The following KLHL18 variants were observed in gnomAD, a reference collection of about 807,000 sequenced individuals.
KLHL18 encodes kelch like family member 18.
In KLHL18, 38 loss-of-function variants were observed where a neutral mutation model predicts 58.5. The ratio of observed to expected loss-of-function variants is 0.65; its 90% confidence interval spans 0.50 to 0.85. KLHL18 has a LOEUF of 0.85. KLHL18 is among the 40% of genes least tolerant of loss of function. KLHL18 has a pLI of 0.00. For missense variants in KLHL18, 624 were observed against 778.4 expected (o/e 0.80, Z 2.36); for synonymous variants, 303 against 301.9 (o/e 1.00, Z -0.04).
At chr3:47,298,999 G>T (rs1702955648) in intron 1 of KLHL18, among the ~76,000 whole-genome samples, 1 of 152,188 alleles carries the variant, frequency 6.6e-6, no homozygotes, top group Non-Finnish European at 1.5e-5. Context: ...GGATATTCAT[G>T]TACAGGATTT....
intron 1 of KLHL18, among the ~76,000 whole-genome samples, chr3:47,300,311 G>GTGTATATATATATATATATATATATATA: frequency 8.6e-6 from 1 of 115,886 alleles, no homozygotes; most frequent in Non-Finnish European, 1.9e-5. Context: ...ATATATATAT[G>GTGTATATATATATATATATATATATATA]TGTGTATATA....
At chr3:47,286,585 C>T (rs1279562729) in intron 1 of KLHL18, among the ~76,000 whole-genome samples, 3 of 152,098 alleles carry the variant, frequency 2.0e-5, no homozygotes, top group Admixed American at 6.6e-5. Flanking sequence ...TGGACCTCAC[C>T]CAGAATTTCT....
Position 47,345,356 on chromosome 3 carries a change from C to G in KLHL18, c.*1415C>G, listed in dbSNP as rs1704206677. ...TGGGCAGACTGACCAGCAAGGTGGA[C>G]CTTTACATTCAAGCACAGCTGGCTT... On this transcript the variant is annotated 3_prime_UTR_variant, in exon 10 of 10. Transcript: ENST00000232766. The G allele has an allele frequency of 6.5e-6, 1 of 152,690 alleles. No individual in the cohort carries two copies. Among genetic ancestry groups the G allele is most frequent in the African/African-American group, 2.4e-5 (1 of 41,450 alleles). The allele number at this position is 152,690 out of a possible 1,614,324, so 9.5% of individuals were successfully genotyped here. A position where few individuals can be genotyped will look rare whatever the true frequency, so the allele number is the denominator to read the frequency against.
At chr3:47,318,186 A>G (rs1201194898) in intron 1 of KLHL18, among the ~76,000 whole-genome samples, 2 of 152,132 alleles carry the variant, frequency 1.3e-5, no homozygotes, top group African/African-American at 4.8e-5. Flanking sequence ...GTGACTTAAA[A>G]CAAGTATTTA....
chr3:47,293,997 G>T (rs1221215545), intron 1 of KLHL18, among the ~76,000 whole-genome samples: 2 of 152,146 alleles, frequency 1.3e-5, no homozygotes, highest in Non-Finnish European at 2.9e-5. Context: ...ATTTACTGAG[G>T]TATCTACATA....
intron 8 of KLHL18, among the ~76,000 whole-genome samples, 155 bp from the exon 9 acceptor site, chr3:47,342,564 C>T (rs920531983): frequency 5.3e-5 from 8 of 152,050 alleles, no homozygotes; most frequent in African/African-American, 1.7e-4. Context: ...GGGTGAGAGG[C>T]GGCAGCCAGG....
chr3:47,332,398 G>A (rs1175145889), intron 4 of KLHL18, among the ~76,000 whole-genome samples: 1 of 152,106 alleles, frequency 6.6e-6, no homozygotes, highest in Non-Finnish European at 1.5e-5. Context: ...AGAAATTTGA[G>A]GAGGGATTAA....
chr3:47,330,256 G>A (rs905447444), intron 4 of KLHL18, 107 bp downstream of exon 4: 102 of 966,244 alleles, frequency 1.1e-4, no homozygotes, highest in East Asian at 6.6e-4. Context: ...TGACATGTAT[G>A]TGGCTGTTGT....
At position 47,316,783 on chromosome 3, in the gene KLHL18, A is replaced by G. The variant is rs62248946; in HGVS notation, c.130-2870A>G. ...TGTGTGTGTATATATACATATATAC[A>G]TATATATGTGTGTATATATATACAT... On this transcript the variant is annotated intron_variant, in intron 1 of 9. Transcript: ENST00000232766. Among the ~76,000 whole-genome samples the G allele has an allele frequency of 4.0e-4, 40 of 100,714 alleles. 2 individuals are homozygous for G. The highest frequency in any genetic ancestry group is 1.4e-3 in the African/African-American group (36 of 24,854). The allele number at this position is 100,714 out of a possible 152,430, so 66.1% of individuals were successfully genotyped here.
At chr3:47,284,919 AG>A (rs1359911828) in intron 1 of KLHL18, among the ~76,000 whole-genome samples, 1 of 152,046 alleles carries the variant, frequency 6.6e-6, no homozygotes, top group Admixed American at 6.5e-5. Flanking sequence ...CCTGGCTTCA[AG>A]CCAGTCTCCT....
intron 2 of KLHL18, 97 bp from the exon 3 acceptor site, chr3:47,322,471 C>G: frequency 8.2e-7 from 1 of 1,216,522 alleles, no homozygotes; most frequent in East Asian, 2.7e-5. Context: ...TCTCAAAGGG[C>G]CTGGGCTAAG....
chr3:47,324,373 G>A (rs1366931942), intron 3 of KLHL18, among the ~76,000 whole-genome samples: 1 of 127,922 alleles, frequency 7.8e-6, no homozygotes, highest in African/African-American at 3.0e-5. Flanking sequence ...TACCACTGCT[G>A]AAATGACTCT....
At chr3:47,292,904 CAAAAAAA>C (rs35830922) in intron 1 of KLHL18, among the ~76,000 whole-genome samples, 2 of 109,356 alleles carry the variant, frequency 1.8e-5, no homozygotes, top group African/African-American at 3.3e-5. Context: ...GACCCTGTCT[CAAAAAAA>C]AAAAAAAAAA....
intron 8 of KLHL18, among the ~76,000 whole-genome samples, chr3:47,342,401 A>G (rs1042430363): frequency 3.3e-5 from 5 of 152,228 alleles, no homozygotes; most frequent in Non-Finnish European, 7.3e-5. Context: ...ACTGAGCTTT[A>G]TAAGTACAGC....
At chr3:47,290,761 C>T (rs1438626456) in intron 1 of KLHL18, among the ~76,000 whole-genome samples, 1 of 152,186 alleles carries the variant, frequency 6.6e-6, no homozygotes, top group Non-Finnish European at 1.5e-5. Context: ...CACACCTGGC[C>T]CAGCCTTGTC....
At chr3:47,297,700 T>G in intron 1 of KLHL18, 1 of 449,982 alleles carries the variant, frequency 2.2e-6, no homozygotes, top group South Asian at 1.6e-5. Context: ...TTTTGTTACT[T>G]GTTTGTATCT....
Position 47,343,796 on chromosome 3 carries a change from A to C in KLHL18, c.1580A>C (p.Tyr527Ser), listed in dbSNP as rs1032207824. ...CTGGTGGCCAGCTGTGGGCGCCTCTACGCTGTTGGGGGCTACGACGGACAG... is the reference window on the plus strand; with the variant it reads ...CTGGTGGCCAGCTGTGGGCGCCTCTCCGCTGTTGGGGGCTACGACGGACAG... ...VSLVASCGRL[Y>S]AVGGYDGQSN... The change falls in exon 10 of 10, where the codon TAC (tyrosine) becomes TCC (serine). Residue 527 changes from tyrosine (Y) to serine (S), a missense_variant. Physicochemically the swap from Tyr to Ser is moderately radical, Grantham distance 144. Transcript: ENST00000232766. 3 of 1,614,008 alleles carry C rather than the reference A, an allele frequency of 1.9e-6. No individual in the cohort carries two copies. Among genetic ancestry groups the C allele is most frequent in the Admixed American group, 3.3e-5 (2 of 60,006 alleles).
chr3:47,319,513 C>G, intron 1 of KLHL18, 140 bp from the exon 2 acceptor site: 1 of 790,022 alleles, frequency 1.3e-6, no homozygotes, highest in South Asian at 1.8e-5. Flanking sequence ...CCTCCATGCC[C>G]TGGGATGCCT....
At chr3:47,283,213 G>C (rs981248697) in intron 1 of KLHL18, 119 bp downstream of exon 1, 1 of 911,562 alleles carries the variant, frequency 1.1e-6, no homozygotes, top group Non-Finnish European at 1.6e-6. Context: ...AGAGGTGTGA[G>C]GGGGGCCGAG....
Sources: allele counts gnomAD v4.1 joint callset (sites outside exome capture counted in the v4.1 genomes callset), GRCh38; gene constraint gnomAD v4.1.1; transcripts MANE v1.5; gene names NCBI Gene and HGNC (gene_info 2026-07-23, HGNC 2026-07-21).